DAB1: variants seen among roughly 807,000 people sequenced by gnomAD.
DAB1 encodes DAB adaptor protein 1.
DAB1 carries 15 observed loss-of-function variants against 64.6 expected under a neutral mutation model. The ratio of observed to expected loss-of-function variants is 0.23; its 90% CI spans 0.16 to 0.36. DAB1 has a LOEUF of 0.36. DAB1 is among the 10% of genes least tolerant of loss of function. DAB1 has a pLI of 1.00. For missense variants in DAB1, 596 were observed against 706.7 expected, an observed-to-expected ratio of 0.84 and a Z score of 1.78; for synonymous variants, 235 against 251.9, an observed-to-expected ratio of 0.93 and a Z score of 0.64.
intron 4 of DAB1, among the ~76,000 whole-genome samples, chr1:57,130,606 G>A (rs1237280094): frequency 6.6e-6 from 1 of 151,952 alleles, no homozygotes; most frequent in African/African-American, 2.4e-5. Flanking sequence ...GTCATTTGGA[G>A]AACATGGACG....
chr1:58,192,419 C>A (rs377286576), intron 4 of DAB1, among the ~76,000 whole-genome samples: 1 of 152,154 alleles, frequency 6.6e-6, no homozygotes, highest in Admixed American at 6.5e-5. Context: ...ACCTCTCCCC[C>A]ACCCTTCCAT....
chr1:57,042,757 C>A (rs577963708), intron 9 of DAB1, among the ~76,000 whole-genome samples: 14 of 152,042 alleles, frequency 9.2e-5, no homozygotes, highest in Non-Finnish European at 1.8e-4. Flanking sequence ...TTGGTGATAG[C>A]ATGACATTAT....
At chr1:57,221,285 A>G (rs545301145) in intron 2 of DAB1, among the ~76,000 whole-genome samples, 1 of 152,256 alleles carries the variant, frequency 6.6e-6, no homozygotes, top group South Asian at 2.1e-4. Context: ...ATTAGGAGAT[A>G]TACCTAATGT....
intron 1 of DAB1, chr1:57,307,444 C>T (rs1273213873): frequency 6.5e-6 from 1 of 152,930 alleles, no homozygotes; most frequent in African/African-American, 2.4e-5. Context: ...TGCCCACAAT[C>T]TTCCCCACTC....
At chr1:58,532,885 T>C (rs1251221635) in intron 1 of DAB1, among the ~76,000 whole-genome samples, 1 of 152,180 alleles carries the variant, frequency 6.6e-6, no homozygotes, top group Non-Finnish European at 1.5e-5. Flanking sequence ...ATAATTACTT[T>C]CAGTGTTTCA....
chr1:58,418,947 T>C (rs1569752431), intron 3 of DAB1, among the ~76,000 whole-genome samples: 1 of 152,232 alleles, frequency 6.6e-6, no homozygotes, highest in Non-Finnish European at 1.5e-5. Flanking sequence ...TTTGTGATCA[T>C]TCTTTGAAAA....
At chr1:57,125,339 A>G (rs1385325047) in intron 4 of DAB1, among the ~76,000 whole-genome samples, 2 of 152,224 alleles carry the variant, frequency 1.3e-5, no homozygotes, top group Non-Finnish European at 2.9e-5. Context: ...ATAATCAGGC[A>G]GAGTTTCTGT....
chr1:58,525,238 T>C (rs1646331136), intron 2 of DAB1, among the ~76,000 whole-genome samples: 1 of 152,166 alleles, frequency 6.6e-6, no homozygotes, highest in Non-Finnish European at 1.5e-5. Flanking sequence ...ATTTCTAAGC[T>C]ACATGGTTCA....
At chr1:57,161,524 G>C (rs1283455050) in intron 2 of DAB1, among the ~76,000 whole-genome samples, 1 of 152,074 alleles carries the variant, frequency 6.6e-6, no homozygotes, top group Admixed American at 6.5e-5. Context: ...CTTCCCTTTG[G>C]CTAATACACA....
chr1:57,648,317 C>T (rs765856648), intron 7 of DAB1, among the ~76,000 whole-genome samples: 2 of 152,118 alleles, frequency 1.3e-5, no homozygotes, highest in African/African-American at 2.4e-5. Context: ...TGTCCCCCGA[C>T]CCCAACCCCA....
At chr1:57,581,123 A>C (rs1421809884) in intron 7 of DAB1, among the ~76,000 whole-genome samples, 1 of 152,230 alleles carries the variant, frequency 6.6e-6, no homozygotes, top group Non-Finnish European at 1.5e-5. Flanking sequence ...AGGCTGGTGG[A>C]ACTCCTTGTC....
chr1:57,374,514 C>T (rs1015771237), intron 1 of DAB1, among the ~76,000 whole-genome samples: 1 of 152,082 alleles, frequency 6.6e-6, no homozygotes, highest in Admixed American at 6.5e-5. Flanking sequence ...AGAGTAAATC[C>T]CTTTTCCAAT....
At chr1:57,002,478 C>A (rs888194615) in intron 14 of DAB1, among the ~76,000 whole-genome samples, 1 of 152,204 alleles carries the variant, frequency 6.6e-6, no homozygotes, top group South Asian at 2.1e-4. Flanking sequence ...GAATTGGATG[C>A]TGTCATAATG....
intron 3 of DAB1, among the ~76,000 whole-genome samples, chr1:58,454,595 TCC>T (rs1159820153): frequency 1.3e-5 from 2 of 152,082 alleles, no homozygotes; most frequent in Non-Finnish European, 2.9e-5. Context: ...GGAACCCACG[TCC>T]GAGGGCCACA....
At chr1:58,304,395 A>G (rs1188025903) in intron 4 of DAB1, among the ~76,000 whole-genome samples, 1 of 152,166 alleles carries the variant, frequency 6.6e-6, no homozygotes, top group Non-Finnish European at 1.5e-5. Context: ...CTTCTGAAGC[A>G]GAGGAATGGT....
rs1644069923 is a variant in DAB1 at position 57,877,554 on chromosome 1, T to TTA, written n.87+6444_87+6445insTA. 8.5e-5 allele frequency among the ~76,000 whole-genome samples: 2 copies of TTA among 23,424 alleles called. 1 individual carries two copies. The highest frequency in any genetic ancestry group is 4.5e-4 in the African/African-American group (2 of 4,404). 15.4% of individuals were successfully genotyped at this position (23,424 alleles called of 152,430 possible). On this transcript the variant is annotated intron_variant and non_coding_transcript_variant, in intron 1 of 1. Transcript: ENST00000477280. The stretch of plus-strand genomic sequence containing the variant: ...AAATCCTAATTGATTTATTTTTTTT[T>TTA]TTTTTTTTTTTTTTTTTGAGACGGA...
At chr1:58,042,338 C>T (rs1469407174) in intron 5 of DAB1, among the ~76,000 whole-genome samples, 2 of 152,088 alleles carry the variant, frequency 1.3e-5, no homozygotes, top group African/African-American at 4.8e-5. Flanking sequence ...CTTTTTGAAC[C>T]TCTAACTTTT....
intron 4 of DAB1, among the ~76,000 whole-genome samples, chr1:58,224,697 G>T (rs1164677744): frequency 2.6e-5 from 4 of 152,100 alleles, no homozygotes; most frequent in Non-Finnish European, 5.9e-5. Context: ...CCATTTAGTA[G>T]ATTTTTTAAA....
chr1:58,034,148 G>C (rs547749027), intron 5 of DAB1, among the ~76,000 whole-genome samples: 116 of 152,310 alleles, frequency 7.6e-4, no homozygotes, highest in African/African-American at 2.5e-3. Context: ...TGTTTCGCTA[G>C]CAGTCACTCT....
Sources: allele counts gnomAD v4.1 joint callset (sites outside exome capture counted in the v4.1 genomes callset), GRCh38; gene constraint gnomAD v4.1.1; transcripts MANE v1.5; gene names NCBI Gene and HGNC (gene_info 2026-07-23, HGNC 2026-07-21).